Variants in SLC66A1 observed in about 807,000 individuals in gnomAD.
The protein encoded by SLC66A1 is solute carrier family 66 member 1, also known as lysosomal amino acid transporter 1 homolog.
SLC66A1 carries 23 observed loss-of-function variants against 33.0 expected under a neutral mutation model. The ratio of observed to expected loss-of-function variants is 0.70; its 90% CI spans 0.50 to 0.99. The LOEUF (loss-of-function observed/expected upper bound fraction) is 0.99, where lower values mean the gene tolerates loss of function less well. SLC66A1 is among the 50% of genes least tolerant of loss of function. The pLI is 0.00. For missense variants in SLC66A1, 335 were observed against 383.6 expected (o/e 0.87, Z 1.06); for synonymous variants, 164 against 175.5 (o/e 0.93, Z 0.52).
chr1:19,327,688 G>A (rs1481775258), intron 7 of SLC66A1: 6 of 634,652 alleles, frequency 9.5e-6, no homozygotes, highest in South Asian at 4.6e-5. Context: ...AGGACACAAC[G>A]CTATCATCAA....
intron 2 of SLC66A1, among the ~76,000 whole-genome samples, chr1:19,323,076 G>A (rs182048236): frequency 6.6e-6 from 1 of 152,010 alleles, no homozygotes; most frequent in African/African-American, 2.4e-5. Context: ...ACAGGGTCTT[G>A]CTGTGTTGCC....
chr1:19,321,169 CTTTTTTTTTTTTTT>C (rs71577887), intron 2 of SLC66A1, among the ~76,000 whole-genome samples: 1 of 82,102 alleles, frequency 1.2e-5, no homozygotes, highest in African/African-American at 5.3e-5. Context: ...CTTATCTCTT[CTTTTTTTTTTTTTT>C]TTTTTTTTGA....
At position 19,321,812 on chromosome 1, in the gene SLC66A1, C is replaced by T. The variant is rs1177412507; in HGVS notation, c.165-2821C>T. On this transcript the variant is annotated intron_variant, in intron 2 of 7. Transcript: ENST00000375153. ...GAACTCGTGACCTCAGGTGGTCTAC[C>T]TGCCTCAGCCTCCAAAAGTGCTGGG... 1.3e-5 allele frequency among the ~76,000 whole-genome samples: 2 copies of T among 151,268 alleles called. 1 individual carries two copies. The highest frequency in any genetic ancestry group is 4.9e-5 in the African/African-American group (2 of 40,572).
rs2093812536 is a variant in SLC66A1 at position 19,317,604 on chromosome 1, C to G, written c.-74C>G. ...CTCCTCCCTTCCTCCCTGTAGAACC[C>G]TTGCTGGCCTCAGAACACCAGCGCC... On this transcript the variant is annotated 5_prime_UTR_variant, in exon 2 of 8. Transcript: ENST00000375153. 2 of 1,571,214 alleles carry G rather than the reference C, an allele frequency of 1.3e-6. No individual in the cohort carries two copies. The highest frequency in any genetic ancestry group is 4.5e-5 in the East Asian group (2 of 44,494).
chr1:19,312,604 A>C lies in SLC66A1; in HGVS notation c.-364A>C, dbSNP rs192385011. ...GGCCTCTCGAGCTGGCCTGGCCAGG[A>C]GTTGCCCTGCCCCGGCCGACCGGCC... On this transcript the variant is annotated 5_prime_UTR_variant, in exon 1 of 8. Transcript: ENST00000375153. The C allele has an allele frequency of 6.1e-3, 934 of 152,622 alleles. 3 individuals are homozygous for C. The highest frequency in any genetic ancestry group is 9.2e-3 in the Non-Finnish European group (624 of 68,188). The allele number at this position is 152,622 out of a possible 1,614,324, so 9.5% of individuals were successfully genotyped here.
downstream of SLC66A1, among the ~76,000 whole-genome samples, chr1:19,332,672 G>A (rs214299): frequency 0.57 from 86,900 of 152,056 alleles, 25,234 homozygotes; most frequent in African/African-American, 0.65. Flanking sequence ...TGATGGGGCC[G>A]TGTTTGCTGA....
At chr1:19,327,521 A>ATCCG in intron 7 of SLC66A1, 109 bp downstream of exon 7, 1 of 877,540 alleles carries the variant, frequency 1.1e-6, no homozygotes, top group Non-Finnish European at 1.7e-6. Context: ...CCATCCGTCC[A>ATCCG]TCCATCCATC....
chr1:19,317,061 AC>A (rs111873554), intron 1 of SLC66A1, among the ~76,000 whole-genome samples: 3,090 of 152,004 alleles, frequency 0.02, 113 homozygotes, highest in African/African-American at 0.071. Context: ...ATTCGTGGCT[AC>A]AACCTGCTTT....
At chr1:19,320,487 C>T (rs2093829285) in intron 2 of SLC66A1, among the ~76,000 whole-genome samples, 1 of 147,958 alleles carries the variant, frequency 6.8e-6, no homozygotes, top group African/African-American at 2.5e-5. Flanking sequence ...GATCTCGGCT[C>T]ACTGCAAGCT....
chr1:19,327,424 G>A lies in SLC66A1; in HGVS notation c.804+12G>A. 6.3e-7 allele frequency: 1 copy of A among 1,575,736 alleles called. No homozygotes were observed. The highest frequency in any genetic ancestry group is 8.6e-7 in the Non-Finnish European group (1 of 1,158,344). On this transcript the variant is annotated intron_variant, in intron 7 of 7. Coordinates refer to ENST00000375153, the MANE Select transcript of SLC66A1 (RefSeq NM_001040125.2). Reference sequence around the variant, plus strand: ...TGCTCGACACCATCGTATCCTTCAGGGCGTGTGGGGCAGGTGGCGGGGTGT... The same window carrying A: ...TGCTCGACACCATCGTATCCTTCAGAGCGTGTGGGGCAGGTGGCGGGGTGT...
downstream of SLC66A1, among the ~76,000 whole-genome samples, chr1:19,330,958 C>T (rs895018017): frequency 6.6e-6 from 1 of 152,156 alleles, no homozygotes; most frequent in Non-Finnish European, 1.5e-5. Context: ...GGCTGCGCCG[C>T]CTGCCATCAG....
chr1:19,331,733 G>A (rs1489667148), downstream of SLC66A1, among the ~76,000 whole-genome samples: 1 of 152,224 alleles, frequency 6.6e-6, no homozygotes, highest in East Asian at 1.9e-4. Context: ...ACCAGTAGGT[G>A]CCCTTCCAGC....
chr1:19,317,629 C>T lies in SLC66A1; in HGVS notation c.-49C>T. 6.2e-7 allele frequency: 1 copy of T among 1,600,722 alleles called. No individual in the cohort carries two copies. Among genetic ancestry groups the T allele is most frequent in the Non-Finnish European group, 8.5e-7 (1 of 1,173,034 alleles). On this transcript the variant is annotated 5_prime_UTR_variant, in exon 2 of 8. Coordinates refer to ENST00000375153, the MANE Select transcript of SLC66A1 (RefSeq NM_001040125.2). The stretch of plus-strand genomic sequence containing the variant: ...CTTGCTGGCCTCAGAACACCAGCGC[C>T]CTCCCTCCGGTGCAGCCCTGCCTGG...
In SLC66A1 at chr1:19,328,857, A is replaced by G; in HGVS notation, c.*214A>G. ...AGCGGAGACCCCAGGGCCTCTCAGG[A>G]GACAGTGAGGCTGCCCCTCCTACCA... On this transcript the variant is annotated 3_prime_UTR_variant, in exon 8 of 8. Transcript: ENST00000375153. The surrounding 1 kb of genome is among the most constrained non-coding windows in gnomAD (Gnocchi z 4.7). 1 of 598,204 alleles carries G rather than the reference A, an allele frequency of 1.7e-6. No individual in the cohort carries two copies. The highest frequency in any genetic ancestry group is 3.0e-6 in the Non-Finnish European group (1 of 337,986). The allele number at this position is 598,204 out of a possible 1,614,324, so 37.1% of individuals were successfully genotyped here.
Position 19,328,446 on chromosome 1 carries a change from C to A in SLC66A1, c.805-126C>A. On this transcript the variant is annotated intron_variant, in intron 7 of 7. Coordinates refer to ENST00000375153, the MANE Select transcript of SLC66A1 (RefSeq NM_001040125.2). This position sits in a 1 kb window ranked among gnomAD's most constrained non-coding sequence, Gnocchi z 4.7. ...TAGCGGCTGGGAGGTTATGGCTGGC[C>A]CTTCCCACCTGCAGCGTGGGGGTGG... The A allele has an allele frequency of 1.2e-6, 1 of 862,048 alleles. No homozygotes were observed. 53.4% of individuals were successfully genotyped at this position (862,048 alleles called of 1,614,324 possible).
chr1:19,324,424 G>A lies in SLC66A1; in HGVS notation c.165-209G>A, dbSNP rs570167333. On this transcript the variant is annotated intron_variant, in intron 2 of 7. Coordinates refer to ENST00000375153, the MANE Select transcript of SLC66A1 (RefSeq NM_001040125.2). ...AGAGATGCACAGCCGTAGAGTCCTC[G>A]GCTTAGAAGGGATTCCCCAGGGGAC... 3.3e-5 allele frequency among the ~76,000 whole-genome samples: 5 copies of A among 152,332 alleles called. No homozygotes were observed. In the South Asian group the frequency reaches 8.3e-4, roughly 25 times the overall value.
chr1:19,331,902 TG>T (rs530262160), downstream of SLC66A1, among the ~76,000 whole-genome samples: 186 of 152,316 alleles, frequency 1.2e-3, 1 homozygote, highest in African/African-American at 4.3e-3. Flanking sequence ...CACCAGCTTT[TG>T]GGGTGATAGC....
Position 19,328,546 on chromosome 1 carries a change from C to G in SLC66A1, c.805-26C>G. ...CAGGTCCAACCCAGTCTCTGCTCAG[C>G]TTGGCCTTAACGGCGGCACCCCCAG... On this transcript the variant is annotated intron_variant, in intron 7 of 7. Transcript: ENST00000375153. This position sits in a 1 kb window ranked among gnomAD's most constrained non-coding sequence, Gnocchi z 4.7. The G allele has an allele frequency of 6.2e-7, 1 of 1,607,548 alleles. No homozygotes were observed.
rs3215559 is a variant in SLC66A1, at chr1:19,314,894, G to GTT, written c.-79+2014_-79+2015dup. 1.6e-4 allele frequency among the ~76,000 whole-genome samples: 24 copies of GTT among 150,028 alleles called. No individual in the cohort carries two copies. In the East Asian group the frequency reaches 4.3e-3, roughly 27 times the overall value. On this transcript the variant is annotated intron_variant, in intron 1 of 7. Transcript: ENST00000375153. ...GTGTAGTTCTCACCTGGACTATATG[G>GTT]TTTTTTTTTTGTTTGTTTGTGTTTT... is the stretch of plus-strand genomic sequence containing the variant.
Sources: allele counts gnomAD v4.1 joint callset (sites outside exome capture counted in the v4.1 genomes callset), GRCh38; gene constraint gnomAD v4.1.1; non-coding constraint Gnocchi (gnomAD v3.1); transcripts MANE v1.5; gene names NCBI Gene and HGNC (gene_info 2026-07-23, HGNC 2026-07-21).